Variants in GPC3 observed in about 807,000 individuals in gnomAD.
The protein encoded by GPC3 is glypican 3, also known as glypican-3.
In GPC3, 3 loss-of-function variants were observed where a neutral mutation model predicts 34.4. The observed-to-expected ratio is 0.09, with a 90% CI of 0.04 to 0.23. The LOEUF (loss-of-function observed/expected upper bound fraction) is 0.23. Among genes scored for constraint, GPC3 ranks in the 10% least tolerant of loss-of-function variants. GPC3 has a pLI of 1.00. For synonymous variants in GPC3, 177 were observed against 174.0 expected, an observed-to-expected ratio of 1.02 and a Z score of -0.13; for missense variants, 351 against 445.6, an observed-to-expected ratio of 0.79 and a Z score of 1.91.
chrX:133,617,863 A>G (rs1056544467), intron 6 of GPC3, among the ~76,000 whole-genome samples: 1 of 111,431 alleles, frequency 9.0e-6, no homozygotes, highest in African/African-American at 3.3e-5. Context: ...TGCTCAAGCA[A>G]TCCTCCTACC....
chrX:133,784,889 G>A (rs754130167), intron 2 of GPC3, among the ~76,000 whole-genome samples: 33 of 111,675 alleles, frequency 3.0e-4, no homozygotes, highest in African/African-American at 4.9e-4. Context: ...CCTCCCCGCC[G>A]GCCCTAGGCA....
intron 6 of GPC3, among the ~76,000 whole-genome samples, chrX:133,649,755 A>T (rs1297550727): frequency 9.0e-6 from 1 of 111,451 alleles, no homozygotes; most frequent in Non-Finnish European, 1.9e-5. Context: ...ATGAGTCTGG[A>T]TTCCTTCCCC....
chrX:133,805,317 A>G (rs893824562), intron 2 of GPC3, among the ~76,000 whole-genome samples: 2 of 111,869 alleles, frequency 1.8e-5, no homozygotes, highest in African/African-American at 6.5e-5. Context: ...CACTAGGTAG[A>G]AAACAAAGGT....
At chrX:133,840,123 T>A (rs2075817618) in intron 2 of GPC3, among the ~76,000 whole-genome samples, 1 of 110,614 alleles carries the variant, frequency 9.0e-6, no homozygotes, top group Non-Finnish European at 1.9e-5. Context: ...AAGTCACATA[T>A]CCCCTAAGTG....
chrX:133,744,527 G>T (rs2071593564), intron 3 of GPC3, among the ~76,000 whole-genome samples: 2 of 112,327 alleles, frequency 1.8e-5, no homozygotes, highest in South Asian at 7.5e-4. Flanking sequence ...TGCTGGAGAG[G>T]ATGTGGAGAA....
At chrX:133,681,430 T>TA (rs1430997598) in intron 5 of GPC3, among the ~76,000 whole-genome samples, 7 of 112,227 alleles carry the variant, frequency 6.2e-5, no homozygotes, top group African/African-American at 2.3e-4. Context: ...TTTCTATCAG[T>TA]AAAAAATCAT....
intron 2 of GPC3, among the ~76,000 whole-genome samples, chrX:133,819,133 T>C: frequency 1.5e-5 from 1 of 66,545 alleles, no homozygotes. Flanking sequence ...CCTAATGCTA[T>C]CCCTCCCCCC....
intron 2 of GPC3, among the ~76,000 whole-genome samples, chrX:133,898,697 C>T (rs2076130732): frequency 8.9e-6 from 1 of 111,875 alleles, no homozygotes. Flanking sequence ...AATTATCAAC[C>T]AGGTGTGCTT....
At chrX:133,819,879 T>C (rs2075710901) in intron 2 of GPC3, among the ~76,000 whole-genome samples, 1 of 112,332 alleles carries the variant, frequency 8.9e-6, no homozygotes, top group Non-Finnish European at 1.9e-5. Context: ...CTCAAGGTTA[T>C]ACATGGTTAA....
At chrX:133,936,076 C>CTTA (rs748512382) in intron 2 of GPC3, among the ~76,000 whole-genome samples, 88 of 108,126 alleles carry the variant, frequency 8.1e-4, no homozygotes, top group Non-Finnish European at 1.4e-3. Flanking sequence ...CTGTGCTCAG[C>CTTA]TTATTATTAT....
chrX:133,582,171 A>G (rs1385993059), intron 7 of GPC3, among the ~76,000 whole-genome samples: 1 of 112,445 alleles, frequency 8.9e-6, no homozygotes, highest in Non-Finnish European at 1.9e-5. Context: ...AAGAGTAGAG[A>G]TAATTATAAA....
intron 5 of GPC3, chrX:133,671,076 C>T: frequency 1.6e-6 from 1 of 611,238 alleles, no homozygotes; most frequent in Non-Finnish European, 2.8e-6. Context: ...GGCAACAGTG[C>T]CTAAGACAGA....
At chrX:133,866,188 T>C (rs1171675131) in intron 2 of GPC3, among the ~76,000 whole-genome samples, 2 of 112,059 alleles carry the variant, frequency 1.8e-5, no homozygotes, top group African/African-American at 6.5e-5. Context: ...ACCTTATATA[T>C]GCAAATGCAA....
rs781463536 is a variant in GPC3 at position 133,597,638 on chromosome X, T to G, written c.1414-1039A>C. Among the ~76,000 whole-genome samples, 417 of 112,044 alleles carry G rather than the reference T, an allele frequency of 3.7e-3. 2 individuals are homozygous for G. The highest frequency in any genetic ancestry group is 6.0e-3 in the Non-Finnish European group (322 of 53,239). ...ATGTTTATGTCATGGCTAAGTATAC[T>G]TTTATGTTCTCCACCTGTGATTTAG... On this transcript the variant is annotated intron_variant, in intron 6 of 7. Transcript: ENST00000370818.
intron 2 of GPC3, among the ~76,000 whole-genome samples, chrX:133,932,749 GA>G (rs771865487): frequency 9.0e-6 from 1 of 110,838 alleles, no homozygotes; most frequent in South Asian, 3.8e-4. Context: ...TTTCTCTTCA[GA>G]AAAAAAGTCA....
chrX:133,612,433 C>CCT (rs1224639681), intron 6 of GPC3, among the ~76,000 whole-genome samples: 4 of 111,906 alleles, frequency 3.6e-5, no homozygotes, highest in Non-Finnish European at 5.6e-5. Flanking sequence ...CCCCTCTCTC[C>CCT]CTCTCTCTCC....
intron 2 of GPC3, among the ~76,000 whole-genome samples, chrX:133,887,764 G>A (rs936273416): frequency 9.0e-6 from 1 of 111,568 alleles, no homozygotes; most frequent in Non-Finnish European, 1.9e-5. Flanking sequence ...TCTGTAGGTT[G>A]CTTCTTCACT....
chrX:133,607,049 G>A (rs766867446), intron 6 of GPC3, among the ~76,000 whole-genome samples: 34 of 111,035 alleles, frequency 3.1e-4, no homozygotes, highest in African/African-American at 1.1e-3. Flanking sequence ...ACAACTATTA[G>A]CATTTTATGA....
At chrX:133,849,932 GAA>G (rs1333701135) in intron 2 of GPC3, among the ~76,000 whole-genome samples, 1 of 111,660 alleles carries the variant, frequency 9.0e-6, no homozygotes, top group East Asian at 2.8e-4. Flanking sequence ...TTAATGAGTT[GAA>G]CTACAGCCAT....
Sources: gnomAD v4.1 joint callset for allele counts (sites outside exome capture counted in the v4.1 genomes callset) on GRCh38, gnomAD v4.1.1 for gene constraint, MANE v1.5 for transcripts, NCBI Gene and HGNC (gene_info 2026-07-23, HGNC 2026-07-21) for gene names.